Variants in ANKIB1 observed in about 807,000 individuals in gnomAD.
The protein encoded by ANKIB1 is ankyrin repeat and IBR domain-containing protein 1.
ANKIB1 carries 43 observed loss-of-function variants against 122.1 expected under a neutral mutation model. The observed-to-expected ratio is 0.35, with a 90% confidence interval of 0.28 to 0.45. The LOEUF (loss-of-function observed/expected upper bound fraction) is 0.45. Ranked by LOEUF, ANKIB1 falls within the 20% of genes least tolerant of loss-of-function variation. ANKIB1 has a pLI of 1.00. For missense variants in ANKIB1, 992 were observed against 1,329.5 expected (o/e 0.75, Z 3.95); for synonymous variants, 390 against 442.0 (o/e 0.88, Z 1.48).
At chr7:92,288,049 A>C (rs1486153133) in intron 1 of ANKIB1, among the ~76,000 whole-genome samples, 5 of 151,550 alleles carry the variant, frequency 3.3e-5, no homozygotes, top group East Asian at 1.9e-4. Context: ...AAAAAAAAAA[A>C]AAAAAAAACT....
chr7:92,387,615 G>A (rs112516651), intron 12 of ANKIB1, among the ~76,000 whole-genome samples, 183 bp from the exon 13 acceptor site: 1 of 150,878 alleles, frequency 6.6e-6, no homozygotes, highest in Admixed American at 6.6e-5. Context: ...CAGCCTGGGA[G>A]ACACAGCGAG....
rs1033000648 is a variant in ANKIB1, at chr7:92,324,206, A to C, written c.670-3577A>C. ...TGAATTGTACACCTTAAAGTGGTTT[A>C]TTTTATGTTATGAGTTTTACCTGAA... On this transcript the variant is annotated intron_variant, in intron 4 of 19. Coordinates refer to ENST00000265742, the MANE Select transcript of ANKIB1 (RefSeq NM_019004.2). Among the ~76,000 whole-genome samples, 5 of 152,294 alleles carry C rather than the reference A, an allele frequency of 3.3e-5. 1 individual carries two copies. The highest frequency in any genetic ancestry group is 2.4e-5 in the African/African-American group (1 of 41,564).
In ANKIB1 at chr7:92,399,022, C is replaced by T. The variant is rs1804961410; in HGVS notation, c.*73C>T. Reference sequence around the variant, plus strand: ...CTAGGTGGAGTATGCTTGATAGAGACTTTGATTCACTTAATTCCAACTCAG... The same window carrying T: ...CTAGGTGGAGTATGCTTGATAGAGATTTTGATTCACTTAATTCCAACTCAG... On this transcript the variant is annotated 3_prime_UTR_variant, in exon 20 of 20. Coordinates refer to ENST00000265742, the MANE Select transcript of ANKIB1 (RefSeq NM_019004.2). The T allele has an allele frequency of 4.9e-6, 7 of 1,427,750 alleles. No homozygotes were observed. Among genetic ancestry groups the T allele is most frequent in the Non-Finnish European group, 6.5e-6 (7 of 1,082,318 alleles). The allele number at this position is 1,427,750 out of a possible 1,614,324, so 88.4% of individuals were successfully genotyped here. A position where few individuals can be genotyped will look rare whatever the true frequency, so the allele number is the denominator to read the frequency against.
intron 11 of ANKIB1, among the ~76,000 whole-genome samples, chr7:92,371,954 T>G (rs1194119590): frequency 2.9e-4 from 3 of 10,246 alleles, no homozygotes; most frequent in African/African-American, 6.3e-4. Flanking sequence ...GAGAGGGGTG[T>G]GTGTGTGTGT....
At chr7:92,376,303 C>T (rs1312924940) in intron 11 of ANKIB1, among the ~76,000 whole-genome samples, 1 of 152,156 alleles carries the variant, frequency 6.6e-6, no homozygotes. Flanking sequence ...GGCACTGTCT[C>T]CTACTAGAAA....
rs149690736 is a variant in ANKIB1, at chr7:92,284,780, G to A, written c.-90-10109G>A. On this transcript the variant is annotated intron_variant, in intron 1 of 19. Transcript: ENST00000265742. ...TATGGCCCAGCTTAATAATTTGTAC[G>A]TGATTGCGTAGAGATTAGATGTTTG... is the stretch of plus-strand genomic sequence containing the variant. Among the ~76,000 whole-genome samples the A allele has an allele frequency of 2.9e-3, 443 of 152,128 alleles. 4 individuals carry two copies. Among genetic ancestry groups the A allele is most frequent in the African/African-American group, 0.01 (418 of 41,486 alleles).
chr7:92,246,829 C>A (rs190231468), intron 1 of ANKIB1, among the ~76,000 whole-genome samples: 46 of 152,300 alleles, frequency 3.0e-4, no homozygotes, highest in Middle Eastern at 3.4e-3. Context: ...GCCTCCCCCC[C>A]ACCCCCATCC....
chr7:92,380,974 G>A (rs1804499504), intron 11 of ANKIB1, among the ~76,000 whole-genome samples: 1 of 152,182 alleles, frequency 6.6e-6, no homozygotes, highest in Admixed American at 6.5e-5. Context: ...GAAGGAGGAA[G>A]TTCGAACCCA....
At chr7:92,384,135 A>G (rs559622069) in intron 11 of ANKIB1, among the ~76,000 whole-genome samples, 1 of 152,330 alleles carries the variant, frequency 6.6e-6, no homozygotes, top group Admixed American at 6.5e-5. Flanking sequence ...CCCATTCACA[A>G]TTGCTACAAA....
intron 1 of ANKIB1, among the ~76,000 whole-genome samples, chr7:92,291,876 A>G (rs1802258535): frequency 6.6e-6 from 1 of 152,100 alleles, no homozygotes; most frequent in South Asian, 2.1e-4. Flanking sequence ...CACCCGGCCC[A>G]GGGTACATTT....
chr7:92,347,623 G>A (rs959844409), intron 7 of ANKIB1, among the ~76,000 whole-genome samples: 7 of 152,202 alleles, frequency 4.6e-5, no homozygotes, highest in African/African-American at 1.4e-4. Context: ...TTGATTGATC[G>A]ATCAATCGAC....
At chr7:92,357,993 A>G (rs1298305973) in intron 9 of ANKIB1, among the ~76,000 whole-genome samples, 1 of 152,134 alleles carries the variant, frequency 6.6e-6, no homozygotes, top group African/African-American at 2.4e-5. Flanking sequence ...CTGTAATCCC[A>G]GCACTTTGGG....
intron 5 of ANKIB1, among the ~76,000 whole-genome samples, chr7:92,339,172 G>C (rs1803379958): frequency 6.8e-6 from 1 of 147,852 alleles, no homozygotes; most frequent in Non-Finnish European, 1.5e-5. Flanking sequence ...CTCCCGAGTA[G>C]CTGGGACAAC....
Position 92,389,957 on chromosome 7 carries a change from C to A in ANKIB1, c.1907-14C>A. ...TTGCAAAAACAAATTCACTGTGCCTCAATTACTTTTTAGCTGAAGGAGGCT... is the reference window on the plus strand; with the variant it reads ...TTGCAAAAACAAATTCACTGTGCCTAAATTACTTTTTAGCTGAAGGAGGCT... On this transcript the variant is annotated splice_polypyrimidine_tract_variant and intron_variant, in intron 14 of 19. Coordinates refer to ENST00000265742, the MANE Select transcript of ANKIB1 (RefSeq NM_019004.2). The A allele has an allele frequency of 6.3e-7, 1 of 1,575,300 alleles. No individual in the cohort carries two copies. The highest frequency in any genetic ancestry group is 2.3e-5 in the East Asian group (1 of 43,070).
At chr7:92,353,990 A>C (rs1315202974) in intron 9 of ANKIB1, among the ~76,000 whole-genome samples, 1 of 152,238 alleles carries the variant, frequency 6.6e-6, no homozygotes, top group Non-Finnish European at 1.5e-5. Context: ...AGATCAGAGA[A>C]AAATTAAGTT....
At position 92,307,622 on chromosome 7, in the gene ANKIB1, A is replaced by T; in HGVS notation, c.452A>T (p.Tyr151Phe). 6.2e-7 allele frequency: 1 copy of T among 1,607,500 alleles called. No homozygotes were observed. The highest frequency in any genetic ancestry group is 8.5e-7 in the Non-Finnish European group (1 of 1,177,128). Reference sequence around the variant, plus strand: ...AACAAAAAAAACACACCCTTGCACTATGCTGCTGCCTCAGGGATGAAAGCC... The same window carrying T: ...AACAAAAAAAACACACCCTTGCACTTTGCTGCTGCCTCAGGGATGAAAGCC... ...VDNKKNTPLHYAAASGMKACV... is the reference protein window; with the variant it reads ...VDNKKNTPLHFAAASGMKACV... Residue 151 changes from tyrosine (Y) to phenylalanine (F), a missense_variant, in exon 3 of 20, where the codon TAT becomes TTT. Tyr to Phe is a conservative substitution (Grantham distance 22, BLOSUM62 3). Transcript: ENST00000265742.
intron 1 of ANKIB1, among the ~76,000 whole-genome samples, chr7:92,265,143 C>A (rs1731792700): frequency 6.6e-6 from 1 of 151,926 alleles, no homozygotes; most frequent in African/African-American, 2.4e-5. Context: ...ATACCTGGCT[C>A]ATTTTTTTCA....
Position 92,361,106 on chromosome 7 carries a change from C to A in ANKIB1, c.1398-1079C>A, listed in dbSNP as rs148545164. Among the ~76,000 whole-genome samples the A allele has an allele frequency of 2.5e-3, 388 of 152,196 alleles. 1 individual carries two copies. The highest frequency in any genetic ancestry group is 9.0e-3 in the African/African-American group (375 of 41,520). ...ATATCACTTCCAGATTGGGTTGTTC[C>A]CTCCTCCGAATAATATTTTTTTATT... On this transcript the variant is annotated intron_variant, in intron 9 of 19. Transcript: ENST00000265742.
intron 1 of ANKIB1, among the ~76,000 whole-genome samples, chr7:92,275,322 A>T (rs142938419): frequency 1.3e-5 from 2 of 152,268 alleles, no homozygotes; most frequent in African/African-American, 4.8e-5. Flanking sequence ...GTACTTAGAT[A>T]TTACTGATGT....
Sources: allele counts gnomAD v4.1 joint callset (sites outside exome capture counted in the v4.1 genomes callset), GRCh38; gene constraint gnomAD v4.1.1; transcripts MANE v1.5; gene names NCBI Gene and HGNC (gene_info 2026-07-23, HGNC 2026-07-21).